Variants in TAFA2 observed in about 807,000 individuals in gnomAD.
TAFA2 encodes the protein TAFA chemokine like family member 2.
In TAFA2, 7 loss-of-function variants were observed where a neutral mutation model predicts 18.8. The observed-to-expected ratio is 0.37, with a 90% CI of 0.21 to 0.70. TAFA2 has a LOEUF of 0.70. TAFA2 is among the 30% of genes least tolerant of loss of function. The pLI is 0.53. For missense variants in TAFA2, 122 were observed against 158.1 expected (o/e 0.77, Z 1.23); for synonymous variants, 60 against 54.2 (o/e 1.11, Z -0.47).
chr12:62,091,199 G>C (rs1372558637), intron 1 of TAFA2, among the ~76,000 whole-genome samples: 3 of 151,824 alleles, frequency 2.0e-5, no homozygotes, highest in African/African-American at 4.8e-5. Flanking sequence ...AGCCATTCCA[G>C]TCCACAGTGA....
At chr12:62,141,388 G>A (rs188355447) in intron 1 of TAFA2, among the ~76,000 whole-genome samples, 20 of 152,230 alleles carry the variant, frequency 1.3e-4, no homozygotes, top group African/African-American at 4.8e-4. Flanking sequence ...TGCCTCGAAG[G>A]TTCCAGTTCC....
At chr12:61,904,716 T>C (rs1290858826) in intron 1 of TAFA2, among the ~76,000 whole-genome samples, 1 of 152,186 alleles carries the variant, frequency 6.6e-6, no homozygotes, top group Non-Finnish European at 1.5e-5. Context: ...ACTTACGGTA[T>C]ACATATGAGA....
intron 1 of TAFA2, among the ~76,000 whole-genome samples, chr12:62,161,450 C>T (rs1017181415): frequency 6.6e-6 from 1 of 152,128 alleles, no homozygotes; most frequent in Non-Finnish European, 1.5e-5. Flanking sequence ...ACAAGCCAGA[C>T]AAAGTCAAAT....
At chr12:62,217,535 G>C (rs1349032476) in intron 1 of TAFA2, among the ~76,000 whole-genome samples, 1 of 152,208 alleles carries the variant, frequency 6.6e-6, no homozygotes, top group African/African-American at 2.4e-5. Context: ...CAAGTCAGCT[G>C]AAGAAAGCCT....
intron 1 of TAFA2, among the ~76,000 whole-genome samples, chr12:62,243,072 C>A (rs11174393): frequency 2.0e-5 from 3 of 151,994 alleles, no homozygotes; most frequent in East Asian, 1.9e-4. Context: ...AGATTTTAAG[C>A]CAGTTATTTA....
Position 61,878,203 on chromosome 12 carries a change from C to A in TAFA2, c.-1-10777G>T. 7.3e-6 allele frequency: 3 copies of A among 413,632 alleles called. No homozygotes were observed. In the Admixed American group the frequency reaches 8.2e-5, roughly 11 times the overall value. 25.6% of individuals were successfully genotyped at this position (413,632 alleles called of 1,614,324 possible). A position where few individuals can be genotyped will look rare whatever the true frequency, so the allele number is the denominator to read the frequency against. ...AATATGGAGTTTTTGTACAGGATGA[C>A]TTTTAAAAGAGTTCTGGAATAGATA... On this transcript the variant is annotated intron_variant, in intron 1 of 4. Coordinates refer to ENST00000416284, the MANE Select transcript of TAFA2 (RefSeq NM_178539.5).
chr12:62,175,940 C>T (rs1010654240), intron 1 of TAFA2, among the ~76,000 whole-genome samples: 1 of 151,610 alleles, frequency 6.6e-6, no homozygotes, highest in Admixed American at 6.6e-5. Flanking sequence ...AAGAATTCAA[C>T]CTGTTCCCAC....
intron 1 of TAFA2, among the ~76,000 whole-genome samples, chr12:61,882,331 G>A (rs767163632): frequency 4.6e-5 from 7 of 152,172 alleles, no homozygotes; most frequent in East Asian, 1.9e-4. Flanking sequence ...CTTTGGCGTC[G>A]GGAGAAAAAC....
At chr12:62,061,730 T>A (rs1251094204) in intron 1 of TAFA2, among the ~76,000 whole-genome samples, 1 of 152,224 alleles carries the variant, frequency 6.6e-6, no homozygotes, top group Non-Finnish European at 1.5e-5. Flanking sequence ...AACTATACTA[T>A]GCCTAAGGAA....
At chr12:62,126,702 T>C (rs1870475501) in intron 1 of TAFA2, among the ~76,000 whole-genome samples, 1 of 151,942 alleles carries the variant, frequency 6.6e-6, no homozygotes, top group South Asian at 2.1e-4. Flanking sequence ...GCAGTAATGC[T>C]GACAAATTAG....
intron 1 of TAFA2, among the ~76,000 whole-genome samples, chr12:61,980,255 G>A (rs563140655): frequency 7.2e-5 from 11 of 152,082 alleles, no homozygotes; most frequent in Admixed American, 1.3e-4. Context: ...ATTCAACAGC[G>A]CTTCATGCTA....
intron 2 of TAFA2, among the ~76,000 whole-genome samples, chr12:61,788,844 T>C (rs1870851608): frequency 6.6e-6 from 1 of 151,608 alleles, no homozygotes; most frequent in East Asian, 1.9e-4. Context: ...CAGGAAAAAA[T>C]ATAAAATCTG....
chr12:61,873,195 T>C (rs960751799), intron 1 of TAFA2, among the ~76,000 whole-genome samples: 3 of 152,162 alleles, frequency 2.0e-5, no homozygotes, highest in African/African-American at 7.2e-5. Flanking sequence ...GAACAGTACA[T>C]ATTGGTGGAG....
chr12:61,856,763 G>A (rs563318453), intron 2 of TAFA2, among the ~76,000 whole-genome samples: 16 of 151,792 alleles, frequency 1.1e-4, no homozygotes, highest in South Asian at 4.2e-4. Flanking sequence ...AGTAATTCCC[G>A]TACTACAAAT....
rs768012671 is a variant in TAFA2 at position 62,036,047 on chromosome 12, CTT to C, written c.-2+155210_-2+155211del. Among the ~76,000 whole-genome samples, 4 of 152,158 alleles carry C rather than the reference CTT, an allele frequency of 2.6e-5. No homozygotes were observed. In the East Asian group the frequency reaches 7.7e-4, roughly 29 times the overall value. On this transcript the variant is annotated intron_variant, in intron 1 of 4. Coordinates refer to ENST00000416284, the MANE Select transcript of TAFA2 (RefSeq NM_178539.5). ...GAGCCACCGCGCCCGGCCAATGATTCTTTCTTTTGGTGACCTGTCCTGAATAC... is the reference window on the plus strand; with the variant it reads ...GAGCCACCGCGCCCGGCCAATGATTCTCTTTTGGTGACCTGTCCTGAATAC...
intron 1 of TAFA2, among the ~76,000 whole-genome samples, chr12:61,879,040 T>C (rs142846934): frequency 7.9e-5 from 12 of 152,220 alleles, no homozygotes; most frequent in African/African-American, 2.6e-4. Flanking sequence ...CCAGGCACAG[T>C]GGTTCATGCT....
intron 1 of TAFA2, among the ~76,000 whole-genome samples, chr12:62,170,959 A>G (rs1371091784): frequency 6.6e-6 from 1 of 152,192 alleles, no homozygotes; most frequent in Non-Finnish European, 1.5e-5. Flanking sequence ...TCTTAATTTT[A>G]TACTTACACT....
intron 1 of TAFA2, among the ~76,000 whole-genome samples, chr12:61,975,970 G>A (rs1183062463): frequency 6.6e-6 from 1 of 151,606 alleles, no homozygotes. Flanking sequence ...TTCACAATGT[G>A]TACATATATC....
At chr12:62,232,730 T>G (rs2062817314) in intron 1 of TAFA2, among the ~76,000 whole-genome samples, 1 of 152,102 alleles carries the variant, frequency 6.6e-6, no homozygotes, top group South Asian at 2.1e-4. Flanking sequence ...CAGGCTGGTC[T>G]TGAACTCCTG....
Sources: allele counts gnomAD v4.1 joint callset (sites outside exome capture counted in the v4.1 genomes callset), GRCh38; gene constraint gnomAD v4.1.1; transcripts MANE v1.5; gene names NCBI Gene and HGNC (gene_info 2026-07-23, HGNC 2026-07-21).